MARCHF1: variants seen among roughly 807,000 people sequenced by gnomAD.
MARCHF1 encodes the protein membrane associated ring-CH-type finger 1, also known as E3 ubiquitin-protein ligase MARCHF1.
A neutral mutation model predicts 54.2 loss-of-function variants in MARCHF1; 40 were observed. The ratio of observed to expected loss-of-function variants is 0.74; its 90% CI spans 0.57 to 0.96. The LOEUF is 0.96. Among genes scored for constraint, MARCHF1 ranks in the 40% least tolerant of loss-of-function variants. MARCHF1 has a pLI of 0.00. For synonymous variants in MARCHF1, 236 were observed against 236.3 expected (o/e 1.00, Z 0.01); for missense variants, 586 against 656.5 (o/e 0.89, Z 1.17).
intron 2 of MARCHF1, among the ~76,000 whole-genome samples, chr4:164,065,599 G>A (rs1754709970): frequency 6.6e-6 from 1 of 152,144 alleles, no homozygotes; most frequent in Non-Finnish European, 1.5e-5. Flanking sequence ...ATGAAAAGGA[G>A]TTTATTAGGC....
At chr4:163,706,849 G>A (rs751924436) in intron 4 of MARCHF1, among the ~76,000 whole-genome samples, 11 of 151,974 alleles carry the variant, frequency 7.2e-5, no homozygotes, top group Non-Finnish European at 1.6e-4. Context: ...AGCTTTTTAT[G>A]CTAGGCATTG....
At chr4:163,877,967 G>C (rs1352832995) in intron 3 of MARCHF1, among the ~76,000 whole-genome samples, 1 of 152,124 alleles carries the variant, frequency 6.6e-6, no homozygotes, top group Non-Finnish European at 1.5e-5. Flanking sequence ...ATAGAGAGAG[G>C]GGAAAACAAA....
Position 163,703,216 on chromosome 4 carries a change from G to A in MARCHF1, c.112-2353C>T, listed in dbSNP as rs572664307. 2.0e-5 allele frequency among the ~76,000 whole-genome samples: 3 copies of A among 152,052 alleles called. No individual in the cohort carries two copies. In the East Asian group the frequency reaches 5.8e-4, roughly 29 times the overall value. ...TTTAAAAATCATGGTGATCATCATA[G>A]GTCACTATACAATTTTTTTTTTTAC... is the stretch of plus-strand genomic sequence containing the variant. On this transcript the variant is annotated intron_variant, in intron 4 of 9. Transcript: ENST00000514618.
intron 1 of MARCHF1, among the ~76,000 whole-genome samples, chr4:164,360,548 T>C (rs1438090212): frequency 6.6e-6 from 1 of 152,202 alleles, no homozygotes; most frequent in African/African-American, 2.4e-5. Context: ...TATGAAGTTG[T>C]AGTTCAGTGT....
Position 163,700,789 on chromosome 4 carries a change from C to T in MARCHF1, c.162+24G>A, listed in dbSNP as rs577172776. On this transcript the variant is annotated intron_variant, in intron 5 of 9. Coordinates refer to ENST00000514618, the MANE Select transcript of MARCHF1 (RefSeq NM_001394959.1). ...CTCATGAAGTGCAGAAGTCAACAAA[C>T]AAGAAAATGAGTACTTCACCTACTT... The T allele has an allele frequency of 1.1e-4, 171 of 1,528,102 alleles. 2 individuals carry two copies. Among genetic ancestry groups the T allele is most frequent in the South Asian group, 9.1e-4 (76 of 83,886 alleles). The allele number at this position is 1,528,102 out of a possible 1,614,324, so 94.7% of individuals were successfully genotyped here.
intron 2 of MARCHF1, among the ~76,000 whole-genome samples, chr4:164,063,430 G>A (rs1332338580): frequency 1.3e-5 from 2 of 152,144 alleles, no homozygotes; most frequent in Non-Finnish European, 2.9e-5. Flanking sequence ...GCTCCACCTT[G>A]TACTTTTATG....
intron 2 of MARCHF1, among the ~76,000 whole-genome samples, chr4:164,023,245 T>C (rs1182169924): frequency 6.6e-6 from 1 of 152,070 alleles, no homozygotes; most frequent in Non-Finnish European, 1.5e-5. Context: ...CTGGAACACC[T>C]AACAAAAGAA....
At chr4:164,169,837 C>T (rs1247264144) in intron 1 of MARCHF1, among the ~76,000 whole-genome samples, 1 of 152,082 alleles carries the variant, frequency 6.6e-6, no homozygotes, top group Non-Finnish European at 1.5e-5. Context: ...ATGACTCACT[C>T]ACTTTATACC....
intron 5 of MARCHF1, among the ~76,000 whole-genome samples, chr4:163,651,502 C>T (rs1405487272): frequency 6.7e-6 from 1 of 148,652 alleles, no homozygotes. Context: ...TCCTGCAGCT[C>T]TCTCTGTCTT....
chr4:164,321,555 C>A (rs946157440), intron 1 of MARCHF1, among the ~76,000 whole-genome samples: 1 of 151,840 alleles, frequency 6.6e-6, no homozygotes, highest in Non-Finnish European at 1.5e-5. Flanking sequence ...CACAAAATTT[C>A]TCACCTGCAA....
At chr4:163,847,804 C>A (rs1453865666) in intron 4 of MARCHF1, among the ~76,000 whole-genome samples, 2 of 152,066 alleles carry the variant, frequency 1.3e-5, no homozygotes, top group Admixed American at 6.6e-5. Flanking sequence ...TAGTCTCGAA[C>A]TCCAGGCGTC....
At chr4:164,076,136 T>TAACAACAACAACAACAACAAC (rs57287504) in intron 2 of MARCHF1, among the ~76,000 whole-genome samples, 1 of 150,358 alleles carries the variant, frequency 6.7e-6, no homozygotes, top group African/African-American at 2.5e-5. Flanking sequence ...AATAATTTTC[T>TAACAACAACAACAACAACAAC]AACAACAACA....
chr4:163,913,323 C>G (rs1281667931), intron 3 of MARCHF1, among the ~76,000 whole-genome samples: 1 of 152,140 alleles, frequency 6.6e-6, no homozygotes, highest in Non-Finnish European at 1.5e-5. Context: ...TTCTGTGCCT[C>G]CAAAGAGGGA....
At chr4:163,917,534 T>C (rs544031787) in intron 3 of MARCHF1, among the ~76,000 whole-genome samples, 26 of 152,278 alleles carry the variant, frequency 1.7e-4, no homozygotes, top group African/African-American at 6.3e-4. Context: ...AATCTTTCCA[T>C]ATGTTTATTT....
At chr4:163,751,805 CGTGTGT>C (rs72029488) in intron 4 of MARCHF1, among the ~76,000 whole-genome samples, 1 of 124,416 alleles carries the variant, frequency 8.0e-6, no homozygotes, top group Non-Finnish European at 2.0e-5. Context: ...CACATGTGCA[CGTGTGT>C]GTGTGTGTGT....
chr4:164,343,924 C>T (rs1367789982), intron 1 of MARCHF1, among the ~76,000 whole-genome samples: 1 of 152,150 alleles, frequency 6.6e-6, no homozygotes, highest in Non-Finnish European at 1.5e-5. Flanking sequence ...CACATACACA[C>T]ATATCTTCAT....
At chr4:163,783,183 G>C (rs957510051) in intron 4 of MARCHF1, among the ~76,000 whole-genome samples, 2 of 152,170 alleles carry the variant, frequency 1.3e-5, no homozygotes, top group South Asian at 4.1e-4. Context: ...ATAGTCCCAT[G>C]AGATAGAAAT....
chr4:164,239,239 G>A (rs1579648911), intron 1 of MARCHF1, among the ~76,000 whole-genome samples: 1 of 152,030 alleles, frequency 6.6e-6, no homozygotes, highest in East Asian at 1.9e-4. Context: ...ATCTCTGAGT[G>A]AGGGACAAAA....
chr4:163,600,101 A>G (rs1157340796), intron 7 of MARCHF1, among the ~76,000 whole-genome samples: 3 of 151,922 alleles, frequency 2.0e-5, no homozygotes, highest in Non-Finnish European at 4.4e-5. Context: ...ACTCAAGTAG[A>G]CCTCCTGTTC....
Sources: gnomAD v4.1 joint callset for allele counts (sites outside exome capture counted in the v4.1 genomes callset) on GRCh38, gnomAD v4.1.1 for gene constraint, MANE v1.5 for transcripts, NCBI Gene and HGNC (gene_info 2026-07-23, HGNC 2026-07-21) for gene names.